The following BOD1L1 variants were observed in gnomAD, a reference collection of about 807,000 sequenced individuals.
BOD1L1 encodes the protein biorientation of chromosomes in cell division 1 like 1.
BOD1L1 carries 86 observed loss-of-function variants against 240.7 expected under a neutral mutation model. The observed-to-expected ratio is 0.36, with a 90% CI of 0.30 to 0.43. The LOEUF (loss-of-function observed/expected upper bound fraction) is 0.43, where lower values mean the gene tolerates loss of function less well. BOD1L1 is among the 20% of genes least tolerant of loss of function. The pLI, the probability that BOD1L1 is intolerant of heterozygous loss-of-function variation, is 1.00. For synonymous variants in BOD1L1, 1,268 were observed against 1,272.3 expected, an observed-to-expected ratio of 1.00 and a Z score of 0.07; for missense variants, 3,554 against 3,643.5, an observed-to-expected ratio of 0.98 and a Z score of 0.63.
Position 13,599,207 on chromosome 4 carries a change from T to A in BOD1L1, c.7693A>T (p.Thr2565Ser), listed in dbSNP as rs1408523636. 1.2e-6 allele frequency: 2 copies of A among 1,613,774 alleles called. No homozygotes were observed. Among genetic ancestry groups the A allele is most frequent in the Admixed American group, 3.3e-5 (2 of 59,974 alleles). The change falls in exon 10 of 26, where the codon ACC becomes TCC. Residue 2565 changes from threonine to serine, a missense_variant. Physicochemically the swap from Thr to Ser is moderately conservative, Grantham distance 58. Around this residue, in one of 2 missense-constraint regions of BOD1L1, gnomAD observed 3,393 missense variants for 3,427.1 expected, o/e 0.99. Transcript: ENST00000040738. ...EQQGSEDNLK[T>S]STTKCITGQE... ...CCAGTAATACATTTGGTGGTACTGGTTTTCAAGTTGTCTTCAGACCCCTGC... is the reference window on the plus strand; with the variant it reads ...CCAGTAATACATTTGGTGGTACTGGATTTCAAGTTGTCTTCAGACCCCTGC...
chr4:13,611,061 G>C lies in BOD1L1; in HGVS notation c.1364C>G (p.Thr455Ser), dbSNP rs746077757. ...KNKQNKTKTQ[T>S]SDSSEGKTKS... Reference sequence around the variant, plus strand: ...TGTTTTTCCTTCACTAGAATCACTAGTTTGAGTTTTTGTTTTATTCTGTTT... The same window carrying C: ...TGTTTTTCCTTCACTAGAATCACTACTTTGAGTTTTTGTTTTATTCTGTTT... The change falls in exon 6 of 26, where the codon ACT becomes AGT. Residue 455 changes from threonine (T) to serine (S), a missense_variant. This residue lies in a region of BOD1L1 where 3,393 missense variants were observed against 3,427.1 expected (regional missense o/e 0.99). Coordinates refer to ENST00000040738, the MANE Select transcript of BOD1L1 (RefSeq NM_148894.3). The C allele has an allele frequency of 6.2e-7, 1 of 1,610,738 alleles. No homozygotes were observed. The highest frequency in any genetic ancestry group is 1.1e-5 in the South Asian group (1 of 90,864).
Position 13,599,356 on chromosome 4 carries a change from G to C in BOD1L1, c.7544C>G (p.Thr2515Arg). 6.2e-7 allele frequency: 1 copy of C among 1,613,954 alleles called. No homozygotes were observed. Among genetic ancestry groups the C allele is most frequent in the Non-Finnish European group, 8.5e-7 (1 of 1,179,884 alleles). ...AATGCTGACAGAGGGATCCTTAGCC[G>C]TCTGCCCAGACGTCTGTTCTGGTCC... ...LRGPEQTSGQ[T>R]AKDPSVSIRY... The change falls in exon 10 of 26, where the codon ACG becomes AGG. Residue 2515 changes from threonine to arginine, a missense_variant. By Grantham distance (71) the Thr-to-Arg change is moderately conservative. Around this residue, in one of 2 missense-constraint regions of BOD1L1, gnomAD observed 3,393 missense variants for 3,427.1 expected, o/e 0.99. Coordinates refer to ENST00000040738, the MANE Select transcript of BOD1L1 (RefSeq NM_148894.3).
Position 13,599,752 on chromosome 4 carries a change from T to C in BOD1L1, c.7148A>G (p.Asn2383Ser). The C allele has an allele frequency of 6.2e-7, 1 of 1,613,980 alleles. No individual in the cohort carries two copies. Among genetic ancestry groups the C allele is most frequent in the Non-Finnish European group, 8.5e-7 (1 of 1,179,882 alleles). The change falls in exon 10 of 26, where the codon AAC (asparagine) becomes AGC (serine). Residue 2383 changes from asparagine to serine, a missense_variant. Coordinates refer to ENST00000040738, the MANE Select transcript of BOD1L1 (RefSeq NM_148894.3). ...VPMPSLIAENNCRCPGPVRGG... is the reference protein window; with the variant it reads ...VPMPSLIAENSCRCPGPVRGG... ...CCTGACTGGCCCAGGACACCGACAG[T>C]TATTCTCAGCAATTAGGCTGGGCAT...
At position 13,603,360 on chromosome 4, in the gene BOD1L1, A is replaced by C; in HGVS notation, c.3540T>G (p.Ala1180=). ...CTADSKATAP[A]YKPGRGTGVN... ...CTCCTGTTCCACGGCCTGGCTTATA[A>C]GCTGGAGCTGTTGCTTTTGAATCTG... Residue 1180 remains alanine, a synonymous_variant, in exon 10 of 26, where the codon GCT becomes GCG. Coordinates refer to ENST00000040738, the MANE Select transcript of BOD1L1 (RefSeq NM_148894.3). 1 of 1,613,996 alleles carries C rather than the reference A, an allele frequency of 6.2e-7. No homozygotes were observed. The highest frequency in any genetic ancestry group is 8.5e-7 in the Non-Finnish European group (1 of 1,179,888).
At chr4:13,625,221 A>C (rs1356332780) in intron 1 of BOD1L1, 4 of 152,244 alleles carry the variant, frequency 2.6e-5, no homozygotes, top group Admixed American at 2.0e-4. Context: ...GAGGCTAAGA[A>C]CATTAAAATA....
In BOD1L1 at chr4:13,591,952, C is replaced by T. The variant is rs752415745; in HGVS notation, c.8119G>A (p.Glu2707Lys). The change falls in exon 13 of 26, where the codon GAG becomes AAG. Residue 2707 changes from glutamate to lysine, a missense_variant. Around this residue, in one of 2 missense-constraint regions of BOD1L1, gnomAD observed 3,393 missense variants for 3,427.1 expected, o/e 0.99. Coordinates refer to ENST00000040738, the MANE Select transcript of BOD1L1 (RefSeq NM_148894.3). ...KPSGIAELQR[E>K]PLLVNESLNV... Reference sequence around the variant, plus strand: ...AGTGATTCATTCACCAACAAAGGCTCCCTCTGGAGTTCAGCTGTTCAAAAA... The same window carrying T: ...AGTGATTCATTCACCAACAAAGGCTTCCTCTGGAGTTCAGCTGTTCAAAAA... 4.5e-6 allele frequency: 7 copies of T among 1,562,010 alleles called. No individual in the cohort carries two copies. The African/African-American group carries it at 8.2e-5, about 18-fold the overall frequency.
rs762208204 is a variant in BOD1L1 at position 13,601,789 on chromosome 4, C to G, written c.5111G>C (p.Ser1704Thr). 6.2e-7 allele frequency: 1 copy of G among 1,613,994 alleles called. No individual in the cohort carries two copies. The part of the protein sequence containing the change: ...GTEIRAGSIS[S>T]EEVDGSQGNM... ...TCCCTGGGAGCCATCCACCTCTTCA[C>G]TGCTTATAGATCCTGCTCTTATCTC... Residue 1704 changes from serine (S) to threonine (T), a missense_variant, in exon 10 of 26, where the codon AGT (serine) becomes ACT (threonine). Around this residue, in one of 2 missense-constraint regions of BOD1L1, gnomAD observed 3,393 missense variants for 3,427.1 expected, o/e 0.99. Transcript: ENST00000040738.
chr4:13,612,838 T>C (rs1294402403), intron 5 of BOD1L1, among the ~76,000 whole-genome samples: 1 of 152,172 alleles, frequency 6.6e-6, no homozygotes, highest in Non-Finnish European at 1.5e-5. Context: ...ATCAGCCATA[T>C]GGGCAGCCAA....
At chr4:13,610,879 T>C in intron 6 of BOD1L1, 55 bp downstream of exon 6, 1 of 1,450,120 alleles carries the variant, frequency 6.9e-7, no homozygotes, top group Non-Finnish European at 9.4e-7. Context: ...GATAGACTAT[T>C]TAAGTTTGTT....
intron 8 of BOD1L1, 77 bp from the exon 9 acceptor site, chr4:13,607,266 C>G: frequency 1.5e-6 from 1 of 653,636 alleles, no homozygotes. Context: ...CAATAAAAAT[C>G]TTTCCTTTAC....
At chr4:13,590,515 G>C (rs1204972607) in intron 13 of BOD1L1, 69 bp from the exon 14 acceptor site, 40 of 767,398 alleles carry the variant, frequency 5.2e-5, no homozygotes, top group Non-Finnish European at 7.9e-5. Context: ...AGAAAGAAGA[G>C]AGAAGGTAAT....
At chr4:13,606,551 T>C (rs1307461890) in intron 9 of BOD1L1, among the ~76,000 whole-genome samples, 1 of 152,218 alleles carries the variant, frequency 6.6e-6, no homozygotes, top group African/African-American at 2.4e-5. Context: ...TGTACGTTAC[T>C]TTTACTGTTT....
intron 2 of BOD1L1, among the ~76,000 whole-genome samples, chr4:13,618,965 C>T (rs1426785533): frequency 6.6e-6 from 1 of 152,074 alleles, no homozygotes; most frequent in African/African-American, 2.4e-5. Flanking sequence ...AACTTAGTCA[C>T]CCTTTTTTTG....
intron 18 of BOD1L1, 52 bp downstream of exon 18, chr4:13,582,598 ACG>A: frequency 7.4e-7 from 1 of 1,347,602 alleles, no homozygotes; most frequent in South Asian, 1.2e-5. Context: ...GTTGAGAGAC[ACG>A]CTGGCTGCTT....
intron 12 of BOD1L1, chr4:13,592,923 T>G (rs1050848229): frequency 1.3e-5 from 2 of 152,208 alleles, no homozygotes; most frequent in African/African-American, 4.8e-5. Context: ...GCATACCTAC[T>G]CATTATTCAA....
rs1001317961 is a variant in BOD1L1, at chr4:13,570,036, G to A, written c.9131C>T (p.Ala3044Val). 5 of 1,603,556 alleles carry A rather than the reference G, an allele frequency of 3.1e-6. No individual in the cohort carries two copies. Among genetic ancestry groups the A allele is most frequent in the Non-Finnish European group, 4.3e-6 (5 of 1,175,846 alleles). Residue 3044 changes from alanine (A) to valine (V), a missense_variant, in exon 26 of 26, where the codon GCC (alanine) becomes GTC (valine). Ala to Val is a moderately conservative substitution (Grantham distance 64). Transcript: ENST00000040738. ...TTATCGCTTCGCTTTTTTCACAGGG[G>A]CTTCCTCCACCCTTTGCTGGCCTCT... ...RTRGQQRVEE[A>V]PVKKAKR
chr4:13,614,202 T>C lies in BOD1L1; in HGVS notation c.1168A>G (p.Lys390Glu). The C allele has an allele frequency of 6.7e-7, 1 of 1,500,452 alleles. No individual in the cohort carries two copies. The allele number at this position is 1,500,452 out of a possible 1,614,324, so 92.9% of individuals were successfully genotyped here. The change falls in exon 4 of 26, where the codon AAA (lysine) becomes GAA (glutamate). Residue 390 changes from lysine (K) to glutamate (E), a missense_variant. Around this residue, in one of 2 missense-constraint regions of BOD1L1, gnomAD observed 3,393 missense variants for 3,427.1 expected, o/e 0.99. Transcript: ENST00000040738. Reference sequence around the variant, plus strand: ...TTTGCAAGTTTTTATATACCTTCTTTTGTCCCTTCAACAGTTTTAGCTTTA... The same window carrying C: ...TTTGCAAGTTTTTATATACCTTCTTCTGTCCCTTCAACAGTTTTAGCTTTA... ...SNKAKTVEGT[K>E]EDFSLIDSDV...
intron 9 of BOD1L1, among the ~76,000 whole-genome samples, chr4:13,606,625 T>C (rs1201745971): frequency 1.3e-5 from 2 of 152,182 alleles, no homozygotes; most frequent in African/African-American, 4.8e-5. Context: ...AAATAAATTA[T>C]GGTATGTACA....
intron 8 of BOD1L1, 45 bp from the exon 9 acceptor site, chr4:13,607,234 A>C (rs1715781991): frequency 8.3e-7 from 1 of 1,210,954 alleles, no homozygotes; most frequent in Admixed American, 3.3e-5. Flanking sequence ...CAAATACGAA[A>C]ATTTTTCAGG....
Sources: allele counts gnomAD v4.1 joint callset (sites outside exome capture counted in the v4.1 genomes callset), GRCh38; gene constraint gnomAD v4.1.1; regional missense constraint gnomAD v4.1.1; transcripts MANE v1.5; gene names NCBI Gene and HGNC (gene_info 2026-07-23, HGNC 2026-07-21).